The following ST3GAL3 variants were observed in gnomAD, a reference collection of about 807,000 sequenced individuals.
ST3GAL3 encodes ST3 beta-galactoside alpha-2,3-sialyltransferase 3, also known as CMP-N-acetylneuraminate-beta-1,4-galactoside alpha-2,3-sialyltransferase.
ST3GAL3 carries 21 observed loss-of-function variants against 50.1 expected under a neutral mutation model. The ratio of observed to expected loss-of-function variants is 0.42; its 90% confidence interval spans 0.30 to 0.60. ST3GAL3 has a LOEUF of 0.60. Among genes scored for constraint, ST3GAL3 ranks in the 20% least tolerant of loss-of-function variants. The pLI is 0.19. For missense variants in ST3GAL3, 353 were observed against 489.4 expected (o/e 0.72, Z 2.63); for synonymous variants, 183 against 190.0 (o/e 0.96, Z 0.30).
At chr1:43,712,232 C>T (rs547857100) in intron 1 of ST3GAL3, among the ~76,000 whole-genome samples, 3 of 152,316 alleles carry the variant, frequency 2.0e-5, no homozygotes, top group African/African-American at 7.2e-5. Flanking sequence ...TGCTTCTAAC[C>T]AGCTGCAGCA....
At chr1:43,870,378 C>T (rs976583116) in intron 5 of ST3GAL3, among the ~76,000 whole-genome samples, 2 of 152,246 alleles carry the variant, frequency 1.3e-5, no homozygotes, top group African/African-American at 4.8e-5. Flanking sequence ...TCTGCTTAGG[C>T]CGCCAGGCCG....
chr1:43,920,099 C>G (rs2082764837), intron 9 of ST3GAL3: 1 of 432,228 alleles, frequency 2.3e-6, no homozygotes, highest in Admixed American at 3.6e-5. Context: ...CCCAGGAGCC[C>G]CCTCAGGCCA....
At chr1:43,741,623 T>C (rs1206703760) in intron 2 of ST3GAL3, among the ~76,000 whole-genome samples, 1 of 152,190 alleles carries the variant, frequency 6.6e-6, no homozygotes, top group Non-Finnish European at 1.5e-5. Context: ...GAGGCTGGCA[T>C]TTCTGGCCAT....
intron 9 of ST3GAL3, among the ~76,000 whole-genome samples, chr1:43,915,299 C>T (rs1482904335): frequency 6.6e-6 from 1 of 152,186 alleles, no homozygotes; most frequent in Non-Finnish European, 1.5e-5. Context: ...TGTGCCACGC[C>T]CTGGGCTACA....
At chr1:43,781,804 C>T (rs1364692181) in intron 2 of ST3GAL3, among the ~76,000 whole-genome samples, 1 of 152,144 alleles carries the variant, frequency 6.6e-6, no homozygotes, top group African/African-American at 2.4e-5. Context: ...CTCCCAATTT[C>T]CACATGCAAT....
At chr1:43,867,556 G>A (rs1291248555) in intron 5 of ST3GAL3, among the ~76,000 whole-genome samples, 1 of 152,186 alleles carries the variant, frequency 6.6e-6, no homozygotes, top group Non-Finnish European at 1.5e-5. Context: ...CATAGATGAA[G>A]TTTTGGCAGT....
chr1:43,778,512 C>T (rs11590279), intron 2 of ST3GAL3, among the ~76,000 whole-genome samples: 37,152 of 151,892 alleles, frequency 0.24, 5,032 homozygotes, highest in Non-Finnish European at 0.31. Context: ...TTAAACTTAT[C>T]TTTCATTCTA....
At chr1:43,920,329 T>C in intron 9 of ST3GAL3, 75 bp from the exon 10 acceptor site, 1 of 1,598,316 alleles carries the variant, frequency 6.3e-7, no homozygotes, top group Admixed American at 1.7e-5. Context: ...TGTCCCTACT[T>C]GGGGTCCCTG....
chr1:43,926,764 C>G (rs2084036345), intron 11 of ST3GAL3, among the ~76,000 whole-genome samples: 1 of 152,136 alleles, frequency 6.6e-6, no homozygotes, highest in Admixed American at 6.5e-5. Flanking sequence ...AAGTTGTCTG[C>G]ATAGAATTAG....
rs150057687 is a variant in ST3GAL3 at position 43,827,708 on chromosome 1, C to T, written c.210-10511C>T. Among the ~76,000 whole-genome samples, 919 of 152,050 alleles carry T rather than the reference C, an allele frequency of 6.0e-3. 30 individuals carry two copies. Among genetic ancestry groups the T allele is most frequent in the Admixed American group, 0.053 (808 of 15,250 alleles). ...TTTTTTATTTTGTAGAGTCAGGGTC[C>T]GCTATGTTGCTGGGGCTGGTGTCAA... On this transcript the variant is annotated intron_variant, in intron 4 of 11. Transcript: ENST00000347631.
rs549493541 is a variant in ST3GAL3, at chr1:43,765,828, T to C, written c.119-26274T>C. 3.3e-5 allele frequency among the ~76,000 whole-genome samples: 5 copies of C among 151,822 alleles called. No individual in the cohort carries two copies. In the South Asian group the frequency reaches 6.2e-4, roughly 19 times the overall value. On this transcript the variant is annotated intron_variant, in intron 2 of 11. Coordinates refer to ENST00000347631, the MANE Select transcript of ST3GAL3 (RefSeq NM_006279.5). ...CCGCGCGTCCGCGTGCGCTTTTTTTTTAGTGGTATAGGAGAAGATTGAGAA... is the reference window on the plus strand; with the variant it reads ...CCGCGCGTCCGCGTGCGCTTTTTTTCTAGTGGTATAGGAGAAGATTGAGAA...
chr1:43,877,608 T>C (rs530435769), intron 5 of ST3GAL3, among the ~76,000 whole-genome samples: 2 of 152,334 alleles, frequency 1.3e-5, no homozygotes, highest in Admixed American at 6.5e-5. Context: ...GTTGGATATA[T>C]AAGTCTTGAG....
intron 3 of ST3GAL3, among the ~76,000 whole-genome samples, chr1:43,798,374 A>G (rs1003077544): frequency 6.6e-6 from 1 of 152,164 alleles, no homozygotes; most frequent in African/African-American, 2.4e-5. Flanking sequence ...CTTACAGTAC[A>G]TTTACAATAA....
Position 43,894,283 on chromosome 1 carries a change from G to A in ST3GAL3, c.303-100G>A. ...GGGGGTATGCCGGAATGCAGAGGGG[G>A]CTTCCAGCAGATCCTTTGCCAAGAC... On this transcript the variant is annotated intron_variant, in intron 5 of 11. Transcript: ENST00000347631. 2.6e-6 allele frequency: 3 copies of A among 1,150,818 alleles called. No homozygotes were observed. In the South Asian group the frequency reaches 3.7e-5, roughly 14 times the overall value. The allele number at this position is 1,150,818 out of a possible 1,614,324, so 71.3% of individuals were successfully genotyped here.
intron 3 of ST3GAL3, among the ~76,000 whole-genome samples, chr1:43,807,081 C>G (rs540124073): frequency 6.6e-6 from 1 of 152,222 alleles, no homozygotes; most frequent in Admixed American, 6.5e-5. Flanking sequence ...TTCAGCCTCG[C>G]AGGAACATTG....
chr1:43,849,320 C>T (rs2066852902), intron 5 of ST3GAL3, among the ~76,000 whole-genome samples: 1 of 150,176 alleles, frequency 6.7e-6, no homozygotes, highest in Admixed American at 6.6e-5. Context: ...GTTTTGATTT[C>T]TGCAGCATCA....
rs910076799 is a variant in ST3GAL3 at position 43,765,288 on chromosome 1, G to A, written c.119-26814G>A. Among the ~76,000 whole-genome samples the A allele has an allele frequency of 2.0e-5, 3 of 152,236 alleles. No homozygotes were observed. In the East Asian group the frequency reaches 5.8e-4, roughly 30 times the overall value. The stretch of plus-strand genomic sequence containing the variant: ...CAGCTCCCAGAGGAGAAATGGACAG[G>A]AACATGGAGAACTGTGCAGGTCTCA... On this transcript the variant is annotated intron_variant, in intron 2 of 11. Transcript: ENST00000347631.
intron 9 of ST3GAL3, 112 bp from the exon 10 acceptor site, chr1:43,920,292 A>G: frequency 7.2e-7 from 1 of 1,391,744 alleles, no homozygotes; most frequent in Non-Finnish European, 1.0e-6. Context: ...TGGGTTCCCC[A>G]TTAAACGCCT....
intron 5 of ST3GAL3, among the ~76,000 whole-genome samples, chr1:43,847,611 T>C (rs2066476006): frequency 6.6e-6 from 1 of 152,172 alleles, no homozygotes; most frequent in African/African-American, 2.4e-5. Context: ...AAGTAGAATA[T>C]GGTTTCCATG....
Sources: allele counts gnomAD v4.1 joint callset (sites outside exome capture counted in the v4.1 genomes callset), GRCh38; gene constraint gnomAD v4.1.1; transcripts MANE v1.5; gene names NCBI Gene and HGNC (gene_info 2026-07-23, HGNC 2026-07-21).